The following OLFM3 variants were observed in gnomAD, a reference collection of about 807,000 sequenced individuals.
OLFM3 encodes noelin-3.
A neutral mutation model predicts 48.6 loss-of-function variants in OLFM3; 20 were observed. The ratio of observed to expected loss-of-function variants is 0.41; its 90% CI spans 0.29 to 0.60. The LOEUF (loss-of-function observed/expected upper bound fraction) is 0.60, where lower values mean the gene tolerates loss of function less well. OLFM3 is among the 20% of genes least tolerant of loss of function. The probability of loss-of-function intolerance (pLI) is 0.28; values close to 1 mark genes in which losing one functional copy is unlikely to be tolerated. For synonymous variants in OLFM3, 222 were observed against 198.1 expected (o/e 1.12, Z -1.01); for missense variants, 437 against 544.3 (o/e 0.80, Z 1.96).
At chr1:101,968,756 G>A (rs942133264) in intron 1 of OLFM3, among the ~76,000 whole-genome samples, 2 of 152,116 alleles carry the variant, frequency 1.3e-5, no homozygotes, top group Non-Finnish European at 1.5e-5. Flanking sequence ...AATGTTATAC[G>A]ATTTAACAAA....
At chr1:101,969,333 AT>A (rs1660713520) in intron 1 of OLFM3, among the ~76,000 whole-genome samples, 1 of 123,560 alleles carries the variant, frequency 8.1e-6, no homozygotes, top group Non-Finnish European at 1.7e-5. Context: ...TTTTTTTGGT[AT>A]TTTTGTATTT....
At chr1:101,842,135 A>G (rs1284999652) in intron 1 of OLFM3, among the ~76,000 whole-genome samples, 1 of 152,220 alleles carries the variant, frequency 6.6e-6, no homozygotes, top group Non-Finnish European at 1.5e-5. Flanking sequence ...TTAGGACTGA[A>G]TAAGAAACGC....
intron 1 of OLFM3, among the ~76,000 whole-genome samples, chr1:101,894,542 TTTTA>T (rs1355344132): frequency 3.7e-4 from 57 of 152,288 alleles, no homozygotes; most frequent in African/African-American, 1.2e-3. Flanking sequence ...CTTTTACTTA[TTTTA>T]TTTATTTTCT....
chr1:101,967,590 G>GAAAAAAAAAAA (rs71592233), intron 1 of OLFM3, among the ~76,000 whole-genome samples: 2 of 44,582 alleles, frequency 4.5e-5, no homozygotes, highest in East Asian at 1.2e-3. Flanking sequence ...CCTAGTCAGT[G>GAAAAAAAAAAA]AAAAAAAAAA....
intron 1 of OLFM3, among the ~76,000 whole-genome samples, chr1:101,879,650 T>G (rs1234523665): frequency 1.3e-5 from 2 of 151,876 alleles, no homozygotes; most frequent in Admixed American, 1.3e-4. Flanking sequence ...AAGCCTAGAT[T>G]TAGCTATGGA....
intron 1 of OLFM3, among the ~76,000 whole-genome samples, chr1:101,959,461 A>G (rs1478220611): frequency 6.6e-6 from 1 of 152,102 alleles, no homozygotes; most frequent in Non-Finnish European, 1.5e-5. Context: ...CTTGATAATA[A>G]CAGGTATCCC....
chr1:101,993,534 C>T (rs1661473079), intron 1 of OLFM3, among the ~76,000 whole-genome samples: 1 of 152,048 alleles, frequency 6.6e-6, no homozygotes, highest in African/African-American at 2.4e-5. Flanking sequence ...AATTCAAACA[C>T]TCCATTACAA....
At chr1:101,930,301 C>T (rs962708909) in intron 1 of OLFM3, among the ~76,000 whole-genome samples, 5 of 152,050 alleles carry the variant, frequency 3.3e-5, no homozygotes, top group African/African-American at 9.7e-5. Context: ...TCTTACAGTG[C>T]AAGGAAGAAT....
chr1:101,836,270 A>G (rs914275912), intron 2 of OLFM3, among the ~76,000 whole-genome samples: 8 of 152,236 alleles, frequency 5.3e-5, no homozygotes, highest in Non-Finnish European at 1.2e-4. Context: ...CCAACTAAAC[A>G]TAAATAACCT....
chr1:101,914,237 C>T (rs79511609), intron 1 of OLFM3, among the ~76,000 whole-genome samples: 2,219 of 152,272 alleles, frequency 0.015, 60 homozygotes, highest in African/African-American at 0.051. Context: ...ATTCTGGATC[C>T]TTCTGGATAA....
intron 1 of OLFM3, among the ~76,000 whole-genome samples, chr1:101,852,453 C>T (rs947524196): frequency 5.9e-5 from 9 of 151,976 alleles, no homozygotes; most frequent in African/African-American, 2.2e-4. Flanking sequence ...CAGGATGCCA[C>T]ACTCACTAGT....
chr1:101,858,875 A>G (rs1382260914), intron 1 of OLFM3, among the ~76,000 whole-genome samples: 1 of 152,112 alleles, frequency 6.6e-6, no homozygotes, highest in East Asian at 1.9e-4. Flanking sequence ...AGTTCTTTAT[A>G]GCAATGTGGA....
At position 101,879,788 on chromosome 1, in the gene OLFM3, G is replaced by GA. The variant is rs1343477185; in HGVS notation, c.70-42764dup. ...GGTTTACTTGGTAAATGCATTTTCT[G>GA]AATTTCATAAATATTCTGAATCAGT... On this transcript the variant is annotated intron_variant, in intron 1 of 5. Transcript: ENST00000370103. Among the ~76,000 whole-genome samples, 3 of 151,878 alleles carry GA rather than the reference G, an allele frequency of 2.0e-5. No individual in the cohort carries two copies. The East Asian group carries it at 5.8e-4, about 30-fold the overall frequency.
intron 1 of OLFM3, among the ~76,000 whole-genome samples, chr1:101,992,014 A>G (rs72993269): frequency 0.015 from 2,272 of 152,252 alleles, 54 homozygotes; most frequent in African/African-American, 0.052. Flanking sequence ...TCTAGAGTTT[A>G]ACAAAGTTTT....
At chr1:101,995,272 AG>A (rs1171703350) in intron 1 of OLFM3, among the ~76,000 whole-genome samples, 1 of 152,172 alleles carries the variant, frequency 6.6e-6, no homozygotes, top group African/African-American at 2.4e-5. Context: ...TGTATTCAAA[AG>A]TTTTAAACAA....
intron 1 of OLFM3, among the ~76,000 whole-genome samples, chr1:101,948,984 G>T (rs1010054752): frequency 6.6e-6 from 1 of 151,008 alleles, no homozygotes; most frequent in African/African-American, 2.4e-5. Flanking sequence ...AGGAAGTTAG[G>T]ATTGTAAAAA....
intron 1 of OLFM3, among the ~76,000 whole-genome samples, chr1:101,902,801 C>T (rs1189716920): frequency 6.6e-6 from 1 of 152,044 alleles, no homozygotes; most frequent in African/African-American, 2.4e-5. Context: ...GGAGTATGTA[C>T]TATAAATACC....
intron 1 of OLFM3, among the ~76,000 whole-genome samples, chr1:101,922,439 G>A (rs903122641): frequency 2.6e-5 from 4 of 152,088 alleles, no homozygotes; most frequent in African/African-American, 9.7e-5. Flanking sequence ...ATAAGGACTG[G>A]AGAGGAATGG....
chr1:101,891,022 T>C (rs966304653), intron 1 of OLFM3, among the ~76,000 whole-genome samples: 2 of 151,990 alleles, frequency 1.3e-5, no homozygotes, highest in Non-Finnish European at 2.9e-5. Context: ...GGAATTCAAT[T>C]TAATGAAACA....
Sources: allele counts gnomAD v4.1 joint callset (sites outside exome capture counted in the v4.1 genomes callset), GRCh38; gene constraint gnomAD v4.1.1; transcripts MANE v1.5; gene names NCBI Gene and HGNC (gene_info 2026-07-23, HGNC 2026-07-21).